Variants in GRM7 observed in about 807,000 individuals in gnomAD.
GRM7 encodes the protein metabotropic glutamate receptor 7.
Under a neutral mutation model 84.5 loss-of-function variants are expected in GRM7, and 35 were observed. The ratio of observed to expected loss-of-function variants is 0.41; its 90% CI spans 0.32 to 0.55. GRM7 has a LOEUF of 0.55. GRM7 is among the 20% of genes least tolerant of loss of function. The pLI is 0.19. For missense variants in GRM7, 1,003 were observed against 1,194.6 expected (o/e 0.84, Z 2.36); for synonymous variants, 487 against 455.1 (o/e 1.07, Z -0.89).
intron 8 of GRM7, among the ~76,000 whole-genome samples, 190 bp downstream of exon 8, chr3:7,579,547 C>G (rs1202821169): frequency 6.6e-6 from 1 of 152,098 alleles, no homozygotes; most frequent in Non-Finnish European, 1.5e-5. Flanking sequence ...ACGTTCATTC[C>G]ACTGGAAACC....
chr3:7,348,420 TTC>T (rs1324833271), intron 4 of GRM7, among the ~76,000 whole-genome samples: 1 of 152,144 alleles, frequency 6.6e-6, no homozygotes, highest in African/African-American at 2.4e-5. Context: ...CCAGGAAAAT[TTC>T]TTTTATTTTT....
At chr3:7,050,191 C>T (rs148071534) in intron 1 of GRM7, among the ~76,000 whole-genome samples, 131 of 151,966 alleles carry the variant, frequency 8.6e-4, no homozygotes, top group African/African-American at 3.0e-3. Flanking sequence ...TCCACACATT[C>T]ATAACTTTGA....
intron 7 of GRM7, among the ~76,000 whole-genome samples, chr3:7,578,182 A>G (rs1695054392): frequency 6.6e-6 from 1 of 152,108 alleles, no homozygotes; most frequent in Non-Finnish European, 1.5e-5. Context: ...GGGAATTTGT[A>G]TTGCCTCAGG....
chr3:7,282,250 C>A (rs1699278279), intron 2 of GRM7, among the ~76,000 whole-genome samples: 1 of 152,206 alleles, frequency 6.6e-6, no homozygotes, highest in Non-Finnish European at 1.5e-5. Flanking sequence ...GATGCATTAT[C>A]TTACTATACT....
At chr3:6,866,053 T>C (rs1481790089) in intron 1 of GRM7, among the ~76,000 whole-genome samples, 1 of 152,190 alleles carries the variant, frequency 6.6e-6, no homozygotes, top group African/African-American at 2.4e-5. Flanking sequence ...TTTGAAGACA[T>C]CTCCATGTGT....
intron 1 of GRM7, among the ~76,000 whole-genome samples, chr3:7,069,707 T>A (rs1697793312): frequency 6.6e-6 from 1 of 152,090 alleles, no homozygotes; most frequent in Admixed American, 6.6e-5. Context: ...TTGTACAGTG[T>A]GGATTTCTGA....
At chr3:7,706,105 AC>A (rs1701378241) in intron 9 of GRM7, among the ~76,000 whole-genome samples, 1 of 152,150 alleles carries the variant, frequency 6.6e-6, no homozygotes, top group Non-Finnish European at 1.5e-5. Flanking sequence ...AATAAATCCC[AC>A]TGACTTGAAC....
At chr3:7,166,131 T>C (rs1006187451) in intron 2 of GRM7, among the ~76,000 whole-genome samples, 1 of 152,222 alleles carries the variant, frequency 6.6e-6, no homozygotes, top group Non-Finnish European at 1.5e-5. Flanking sequence ...TATAATTTTA[T>C]AACTAATAGT....
In GRM7 at chr3:7,677,282, A is replaced by AC. The variant is rs1559481682; in HGVS notation, c.2452-2767_2452-2766insC. The stretch of plus-strand genomic sequence containing the variant: ...GTCTTTAAAAAAAAAAAAAAAAAAA[A>AC]AAAAAAAAAAAACTTACATATTACT... On this transcript the variant is annotated intron_variant, in intron 8 of 9. Transcript: ENST00000357716. 5.8e-4 allele frequency among the ~76,000 whole-genome samples: 88 copies of AC among 150,632 alleles called. 1 individual carries two copies. The highest frequency in any genetic ancestry group is 2.1e-3 in the African/African-American group (84 of 40,580).
intron 7 of GRM7, among the ~76,000 whole-genome samples, chr3:7,464,846 A>AAT (rs1698397526): frequency 1.3e-5 from 2 of 150,362 alleles, no homozygotes; most frequent in Middle Eastern, 6.4e-3. Context: ...AAAAAAAAAA[A>AAT]TTAACTGAGC....
chr3:7,563,136 G>A (rs772091819), intron 7 of GRM7, among the ~76,000 whole-genome samples: 12 of 152,170 alleles, frequency 7.9e-5, no homozygotes, highest in Non-Finnish European at 1.5e-4. Flanking sequence ...GTTGTCTTGA[G>A]TGTGAAAATC....
intron 1 of GRM7, among the ~76,000 whole-genome samples, chr3:6,951,672 A>G (rs1317152751): frequency 1.3e-5 from 2 of 152,218 alleles, no homozygotes; most frequent in Non-Finnish European, 1.5e-5. Context: ...TTTATGGTCC[A>G]GAACATGCCC....
intron 2 of GRM7, among the ~76,000 whole-genome samples, chr3:7,217,647 C>A (rs1388472256): frequency 2.0e-5 from 3 of 150,690 alleles, no homozygotes; most frequent in East Asian, 3.9e-4. Flanking sequence ...ATTATAAAAT[C>A]TTTCCAATTT....
At chr3:7,427,940 C>T (rs1463653992) in intron 5 of GRM7, among the ~76,000 whole-genome samples, 1 of 152,098 alleles carries the variant, frequency 6.6e-6, no homozygotes, top group Non-Finnish European at 1.5e-5. Context: ...GACTTCAAAA[C>T]CTTATGTTTC....
intron 9 of GRM7, among the ~76,000 whole-genome samples, chr3:7,682,793 C>T (rs1052902358): frequency 6.6e-6 from 1 of 152,156 alleles, no homozygotes; most frequent in Non-Finnish European, 1.5e-5. Context: ...TGTTAAAATG[C>T]TAACACTGAC....
chr3:7,571,056 C>T (rs1034875722), intron 7 of GRM7, among the ~76,000 whole-genome samples: 49 of 152,246 alleles, frequency 3.2e-4, no homozygotes, highest in African/African-American at 1.1e-3. Flanking sequence ...CACCAATTTC[C>T]TATGCTTCAC....
chr3:6,883,526 T>C lies in GRM7; in HGVS notation c.519+21619T>C, dbSNP rs552876321. Among the ~76,000 whole-genome samples, 3 of 152,314 alleles carry C rather than the reference T, an allele frequency of 2.0e-5. No individual in the cohort carries two copies. In the South Asian group the frequency reaches 6.2e-4, roughly 32 times the overall value. On this transcript the variant is annotated intron_variant, in intron 1 of 9. Transcript: ENST00000357716. ...ATGATTTATTCCCTCTGAAAGGGAT[T>C]ATAGCCTCTATGAAACTGTAAAGCC...
chr3:7,068,762 A>G (rs950678448), intron 1 of GRM7, among the ~76,000 whole-genome samples: 11 of 151,954 alleles, frequency 7.2e-5, no homozygotes, highest in Admixed American at 2.6e-4. Context: ...ATTTCATTCC[A>G]TAAGGTATGC....
At chr3:7,393,107 A>G (rs1695066031) in intron 4 of GRM7, among the ~76,000 whole-genome samples, 1 of 152,050 alleles carries the variant, frequency 6.6e-6, no homozygotes, top group South Asian at 2.1e-4. Flanking sequence ...GTCCACACAT[A>G]TCTCATTCTC....
Sources: allele counts gnomAD v4.1 joint callset (sites outside exome capture counted in the v4.1 genomes callset), GRCh38; gene constraint gnomAD v4.1.1; transcripts MANE v1.5; gene names NCBI Gene and HGNC (gene_info 2026-07-23, HGNC 2026-07-21).